Variants in FAM193B observed in about 807,000 individuals in gnomAD.
The protein encoded by FAM193B is protein FAM193B.
In FAM193B, 27 loss-of-function variants were observed where a neutral mutation model predicts 70.7. The ratio of observed to expected loss-of-function variants is 0.38; its 90% CI spans 0.28 to 0.53. FAM193B has a LOEUF of 0.53. FAM193B is among the 20% of genes least tolerant of loss of function. FAM193B has a pLI of 0.81. For missense variants in FAM193B, 1,022 were observed against 1,072.5 expected (o/e 0.95, Z 0.66); for synonymous variants, 448 against 436.0 (o/e 1.03, Z -0.34).
In FAM193B at chr5:177,536,667, G is replaced by A. The variant is rs377755741; in HGVS notation, c.767C>T (p.Pro256Leu). The A allele has an allele frequency of 4.0e-5, 63 of 1,561,882 alleles. No individual in the cohort carries two copies. In the East Asian group the frequency reaches 8.2e-4, roughly 20 times the overall value. ...APPNSPTGHH[P>L]QPASLIPSHP... ...AGACGGGATTAGAGATGCTGGCTGC[G>A]GGTGGTGGCCGGTGGGGCTGTTAGG... Residue 256 changes from proline (P) to leucine (L), a missense_variant, in exon 4 of 9, where the codon CCG (proline) becomes CTG (leucine). Transcript: ENST00000514747.
In FAM193B at chr5:177,532,313, G is replaced by A. The variant is rs1763595004; in HGVS notation, c.1275+130C>T. The A allele has an allele frequency of 1.3e-6, 2 of 1,488,392 alleles. No homozygotes were observed. The highest frequency in any genetic ancestry group is 2.4e-5 in the Admixed American group (1 of 41,404). The allele number at this position is 1,488,392 out of a possible 1,614,324, so 92.2% of individuals were successfully genotyped here. ...GTGAGGATCAAGCGAGCAGACGCAGGTGCAAGGACTCACGGCCCCAGCACG... is the reference window on the plus strand; with the variant it reads ...GTGAGGATCAAGCGAGCAGACGCAGATGCAAGGACTCACGGCCCCAGCACG... On this transcript the variant is annotated intron_variant, in intron 5 of 8. Coordinates refer to ENST00000514747, the MANE Select transcript of FAM193B (RefSeq NM_001190946.3). The surrounding 1 kb of genome is among the most constrained non-coding windows in gnomAD (Gnocchi z 4.9).
Position 177,539,108 on chromosome 5 carries a change from GGCA to G in FAM193B, c.247_249del (p.Cys83del), listed in dbSNP as rs1460962735. ...CCTTTGCGTTCCCGGTGACACAGCA[GGCA>G]GCAAGTCTGCACAGGCTGGCTGGAG... On this transcript the variant is annotated inframe_deletion, in exon 2 of 9. Coordinates refer to ENST00000514747, the MANE Select transcript of FAM193B (RefSeq NM_001190946.3). 4 of 1,603,522 alleles carry G rather than the reference GGCA, an allele frequency of 2.5e-6. No individual in the cohort carries two copies. The highest frequency in any genetic ancestry group is 3.4e-6 in the Non-Finnish European group (4 of 1,174,558).
chr5:177,550,887 T>G (rs1255998242), intron 1 of FAM193B, among the ~76,000 whole-genome samples: 1 of 152,184 alleles, frequency 6.6e-6, no homozygotes, highest in Non-Finnish European at 1.5e-5. Context: ...TGGGGTGCAG[T>G]GGCGTGCACA....
Position 177,536,684 on chromosome 5 carries a change from G to A in FAM193B, c.750C>T (p.Ser250=). ...QHSDLTAPPN[S]PTGHHPQPAS... ...CTGGCTGCGGGTGGTGGCCGGTGGG[G>A]CTGTTAGGGGGAGCAGTGAGGTCTG... is the stretch of plus-strand genomic sequence containing the variant. Residue 250 remains serine, a synonymous_variant, in exon 4 of 9, where the codon AGC becomes AGT. Coordinates refer to ENST00000514747, the MANE Select transcript of FAM193B (RefSeq NM_001190946.3). 1.9e-6 allele frequency: 3 copies of A among 1,558,140 alleles called. No homozygotes were observed. Among genetic ancestry groups the A allele is most frequent in the Non-Finnish European group, 2.6e-6 (3 of 1,155,620 alleles).
At position 177,532,767 on chromosome 5, in the gene FAM193B, C is replaced by T; in HGVS notation, c.1077-126G>A. 3.6e-6 allele frequency: 3 copies of T among 836,522 alleles called. No homozygotes were observed. The highest frequency in any genetic ancestry group is 4.2e-5 in the South Asian group (2 of 48,108). The allele number at this position is 836,522 out of a possible 1,614,324, so 51.8% of individuals were successfully genotyped here. A position where few individuals can be genotyped will look rare whatever the true frequency, so the allele number is the denominator to read the frequency against. On this transcript the variant is annotated intron_variant, in intron 4 of 8. Coordinates refer to ENST00000514747, the MANE Select transcript of FAM193B (RefSeq NM_001190946.3). The surrounding 1 kb of genome is among the most constrained non-coding windows in gnomAD (Gnocchi z 4.9). Reference sequence around the variant, plus strand: ...CCACTCCACAGAGGTCCCAGGTGGTCCAACTACATTGCACCTCTCACCTGA... The same window carrying T: ...CCACTCCACAGAGGTCCCAGGTGGTTCAACTACATTGCACCTCTCACCTGA...
intron 1 of FAM193B, among the ~76,000 whole-genome samples, chr5:177,550,887 T>C (rs1255998242): frequency 6.6e-6 from 1 of 152,184 alleles, no homozygotes; most frequent in African/African-American, 2.4e-5. Flanking sequence ...TGGGGTGCAG[T>C]GGCGTGCACA....
At position 177,523,984 on chromosome 5, in the gene FAM193B, G is replaced by A. The variant is rs1561747401; in HGVS notation, c.2345C>T (p.Thr782Ile). 1.2e-6 allele frequency: 2 copies of A among 1,614,050 alleles called. No individual in the cohort carries two copies. The highest frequency in any genetic ancestry group is 1.7e-6 in the Non-Finnish European group (2 of 1,179,904). ...KDMDGVEMDE[T>I]DREVEYFKRF... is the part of the protein sequence containing the mutation. ...CTTAAAGTACTCCACCTCTCGGTCAGTCTCATCCATCTCCACCCCGTCCAT... is the reference window on the plus strand; with the variant it reads ...CTTAAAGTACTCCACCTCTCGGTCAATCTCATCCATCTCCACCCCGTCCAT... The change falls in exon 7 of 9, where the codon ACT (threonine) becomes ATT (isoleucine). Residue 782 changes from threonine to isoleucine, a missense_variant. Coordinates refer to ENST00000514747, the MANE Select transcript of FAM193B (RefSeq NM_001190946.3).
At position 177,531,568 on chromosome 5, in the gene FAM193B, G is replaced by A. The variant is rs963479117; in HGVS notation, c.1275+875C>T. ...TGACATTACACCCTGGGCCTGGGGG[G>A]CCCACAGCACTCCCTCCCACGGGCA... On this transcript the variant is annotated intron_variant, in intron 5 of 8. Coordinates refer to ENST00000514747, the MANE Select transcript of FAM193B (RefSeq NM_001190946.3). The A allele has an allele frequency of 7.4e-6, 9 of 1,223,766 alleles. No individual in the cohort carries two copies. The African/African-American group carries it at 1.3e-4, about 17-fold the overall frequency. The allele number at this position is 1,223,766 out of a possible 1,614,324, so 75.8% of individuals were successfully genotyped here.
At chr5:177,540,668 G>T (rs1764745189) in intron 1 of FAM193B, among the ~76,000 whole-genome samples, 1 of 152,184 alleles carries the variant, frequency 6.6e-6, no homozygotes, top group Non-Finnish European at 1.5e-5. Flanking sequence ...CCAGCTGATT[G>T]GCCAGCTGAT....
intron 1 of FAM193B, among the ~76,000 whole-genome samples, chr5:177,541,436 T>A (rs972435246): frequency 3.3e-5 from 5 of 152,234 alleles, no homozygotes; most frequent in African/African-American, 1.2e-4. Flanking sequence ...TTTCTTCTTT[T>A]GAGACGGAGT....
chr5:177,547,497 G>A (rs1045108332), intron 1 of FAM193B, among the ~76,000 whole-genome samples: 1 of 151,064 alleles, frequency 6.6e-6, no homozygotes, highest in African/African-American at 2.4e-5. Context: ...TGTTAGCCAG[G>A]ATGGTCTCGA....
At chr5:177,546,030 C>G (rs1289873143) in intron 1 of FAM193B, among the ~76,000 whole-genome samples, 2 of 152,220 alleles carry the variant, frequency 1.3e-5, no homozygotes, top group Non-Finnish European at 2.9e-5. Flanking sequence ...AGCTAAAATT[C>G]CCTTTCAGAA....
intron 5 of FAM193B, among the ~76,000 whole-genome samples, chr5:177,528,682 G>A (rs1270115007): frequency 6.6e-6 from 1 of 152,198 alleles, no homozygotes; most frequent in East Asian, 1.9e-4. Flanking sequence ...GAGGCTATTT[G>A]CCAAAAAATA....
rs139283468 is a variant in FAM193B at position 177,536,983 on chromosome 5, C to T, written c.689-238G>A. 4.2e-3 allele frequency among the ~76,000 whole-genome samples: 640 copies of T among 152,066 alleles called. 4 individuals are homozygous for T. The highest frequency in any genetic ancestry group is 0.015 in the African/African-American group (618 of 41,562). ...TGCTGATTCCACACAAGGCCCCATG[C>T]CTTTTCTGCAGCATGAGCAGAAGAT... On this transcript the variant is annotated intron_variant, in intron 3 of 8. Transcript: ENST00000514747.
chr5:177,546,051 T>C (rs1295763741), intron 1 of FAM193B, among the ~76,000 whole-genome samples: 1 of 152,118 alleles, frequency 6.6e-6, no homozygotes, highest in African/African-American at 2.4e-5. Context: ...GCAGAGAAAA[T>C]GATTAATCCT....
intron 8 of FAM193B, among the ~76,000 whole-genome samples, chr5:177,521,213 C>T (rs778216548): frequency 1.3e-5 from 2 of 152,220 alleles, no homozygotes; most frequent in African/African-American, 4.8e-5. Context: ...AGCCACTCAG[C>T]CCCCAGCCCA....
At chr5:177,539,249 G>A (rs902802310) in intron 1 of FAM193B, 102 bp from the exon 2 acceptor site, 54 of 1,373,672 alleles carry the variant, frequency 3.9e-5, no homozygotes, top group Non-Finnish European at 4.1e-5. Context: ...GCCAGGCACT[G>A]GGTTAGGCAC....
Position 177,536,698 on chromosome 5 carries a change from C to T in FAM193B, c.736G>A (p.Ala246Thr), listed in dbSNP as rs748185690. The change falls in exon 4 of 9, where the codon GCT (alanine) becomes ACT (threonine). Residue 246 changes from alanine (A) to threonine (T), a missense_variant. By Grantham distance (58) the Ala-to-Thr change is moderately conservative. Transcript: ENST00000514747. ...TGGCCGGTGGGGCTGTTAGGGGGAGCAGTGAGGTCTGAGTGCTGGTGGTGC... is the reference window on the plus strand; with the variant it reads ...TGGCCGGTGGGGCTGTTAGGGGGAGTAGTGAGGTCTGAGTGCTGGTGGTGC... ...SEHHQHSDLT[A>T]PPNSPTGHHP... The T allele has an allele frequency of 1.3e-5, 21 of 1,557,956 alleles. No homozygotes were observed. The highest frequency in any genetic ancestry group is 1.6e-5 in the Non-Finnish European group (19 of 1,154,320).
chr5:177,526,748 G>A (rs902983157), intron 5 of FAM193B, among the ~76,000 whole-genome samples: 3 of 152,212 alleles, frequency 2.0e-5, no homozygotes, highest in Non-Finnish European at 4.4e-5. Flanking sequence ...AGAACAGGAG[G>A]AGGAGGTGGC....
Sources: gnomAD v4.1 joint callset for allele counts (sites outside exome capture counted in the v4.1 genomes callset) on GRCh38, gnomAD v4.1.1 for gene constraint, Gnocchi (gnomAD v3.1) non-coding constraint, MANE v1.5 for transcripts, NCBI Gene and HGNC (gene_info 2026-07-23, HGNC 2026-07-21) for gene names.